LRRTM2: variants seen among roughly 807,000 people sequenced by gnomAD.
The protein encoded by LRRTM2 is leucine-rich repeat transmembrane neuronal protein 2.
A neutral mutation model predicts 40.7 loss-of-function variants in LRRTM2; 14 were observed. That is an observed-to-expected ratio of 0.34 (90% CI 0.23 to 0.54). The LOEUF is 0.54. Among genes scored for constraint, LRRTM2 ranks in the 20% least tolerant of loss-of-function variants. LRRTM2 has a pLI of 0.92. For missense variants in LRRTM2, 468 were observed against 624.4 expected (o/e 0.75, Z 2.67); for synonymous variants, 223 against 237.6 (o/e 0.94, Z 0.57).
rs1765090251 is a variant in LRRTM2, at chr5:138,869,136, G to T, written c.*3874C>A. ...ACTTTGAGTTTCCAGTCTCAGTGTT[G>T]ATAGGAAGGTTCACCAAACATTCCA... On this transcript the variant is annotated 3_prime_UTR_variant, in exon 2 of 2. Coordinates refer to ENST00000274711, the MANE Select transcript of LRRTM2 (RefSeq NM_015564.3). 6.9e-6 allele frequency: 1 copy of T among 144,244 alleles called. No individual in the cohort carries two copies. Among genetic ancestry groups the T allele is most frequent in the Non-Finnish European group, 1.5e-5 (1 of 66,684 alleles). The allele number at this position is 144,244 out of a possible 1,614,324, so 8.9% of individuals were successfully genotyped here. A position where few individuals can be genotyped will look rare whatever the true frequency, so the allele number is the denominator to read the frequency against.
rs1750759911 is a variant in LRRTM2, at chr5:138,872,438, C to T, written c.*572G>A. ...ATGATATGGACTTTGATAATATCTA[C>T]TAACCCAGGCAGAAACTCTGGAAGG... On this transcript the variant is annotated 3_prime_UTR_variant, in exon 2 of 2. Coordinates refer to ENST00000274711, the MANE Select transcript of LRRTM2 (RefSeq NM_015564.3). 6.6e-6 allele frequency: 1 copy of T among 152,436 alleles called. No homozygotes were observed. Among genetic ancestry groups the T allele is most frequent in the South Asian group, 2.1e-4 (1 of 4,820 alleles). The allele number at this position is 152,436 out of a possible 1,614,324, so 9.4% of individuals were successfully genotyped here. A position where few individuals can be genotyped will look rare whatever the true frequency, so the allele number is the denominator to read the frequency against.
At position 138,873,303 on chromosome 5, in the gene LRRTM2, T is replaced by C; in HGVS notation, c.1258A>G (p.Thr420Ala). The change falls in exon 2 of 2, where the codon ACT becomes GCT. Residue 420 changes from threonine to alanine, a missense_variant. Physicochemically the swap from Thr to Ala is moderately conservative, Grantham distance 58. Coordinates refer to ENST00000274711, the MANE Select transcript of LRRTM2 (RefSeq NM_015564.3). The surrounding 1 kb of genome is among the most constrained non-coding windows in gnomAD (Gnocchi z 6.1). ...ATTGTTCCCGTAATTACCCGCTGAG[T>C]GAAGATGGCATTGTCTGGTTCAGGA... ...HFPEPDNAIF[T>A]QRVITGTMAL... 1 of 1,614,004 alleles carries C rather than the reference T, an allele frequency of 6.2e-7. No individual in the cohort carries two copies. The highest frequency in any genetic ancestry group is 8.5e-7 in the Non-Finnish European group (1 of 1,179,868).
In LRRTM2 at chr5:138,873,391, G is replaced by A. The variant is rs555273836; in HGVS notation, c.1170C>T (p.Tyr390=). ...EYTKRISSSS[Y]HVGDKEIPTT... ...TTGGGATTTCTTTGTCTCCCACATG[G>A]TAACTTGATGAGCTTATTCTTTTTG... Residue 390 remains tyrosine, a synonymous_variant, in exon 2 of 2, where the codon TAC becomes TAT. Coordinates refer to ENST00000274711, the MANE Select transcript of LRRTM2 (RefSeq NM_015564.3). This position sits in a 1 kb window ranked among gnomAD's most constrained non-coding sequence, Gnocchi z 6.1. 45 of 1,614,032 alleles carry A rather than the reference G, an allele frequency of 2.8e-5. No individual in the cohort carries two copies. In the South Asian group the frequency reaches 4.7e-4, roughly 17 times the overall value.
rs201299132 is a variant in LRRTM2, at chr5:138,874,332, C to T, written c.229G>A (p.Glu77Lys). 2.3e-4 allele frequency: 373 copies of T among 1,613,990 alleles called. No homozygotes were observed. The highest frequency in any genetic ancestry group is 3.3e-4 in the Middle Eastern group (2 of 6,062). Residue 77 changes from glutamate (E) to lysine (K), a missense_variant, in exon 2 of 2, where the codon GAA becomes AAA. Coordinates refer to ENST00000274711, the MANE Select transcript of LRRTM2 (RefSeq NM_015564.3). This position sits in a 1 kb window ranked among gnomAD's most constrained non-coding sequence, Gnocchi z 4.1. Reference sequence around the variant, plus strand: ...CTGAAGCTGGCAAATTGATCTCTTTCGAGCTCTGTGATGTGATTGTGCCTC... The same window carrying T: ...CTGAAGCTGGCAAATTGATCTCTTTTGAGCTCTGTGATGTGATTGTGCCTC... ...SLRHNHITEL[E>K]RDQFASFSQL... is the part of the protein sequence containing the mutation.
In LRRTM2 at chr5:138,873,256, A is replaced by G; in HGVS notation, c.1305T>C (p.Phe435=). The change falls in exon 2 of 2, where the codon TTT becomes TTC. Residue 435 remains phenylalanine, a synonymous_variant. Coordinates refer to ENST00000274711, the MANE Select transcript of LRRTM2 (RefSeq NM_015564.3). The surrounding 1 kb of genome is among the most constrained non-coding windows in gnomAD (Gnocchi z 6.1). The part of the protein sequence containing the change: ...TGTMALLFSF[F]FIIFIVFISR... ...AGATGAACACTATAAAAATAATAAA[A>G]AAGAAAGAAAACAATAAAGCCATTG... is the stretch of plus-strand genomic sequence containing the variant. 1 of 1,613,840 alleles carries G rather than the reference A, an allele frequency of 6.2e-7. No individual in the cohort carries two copies. Among genetic ancestry groups the G allele is most frequent in the Non-Finnish European group, 8.5e-7 (1 of 1,179,804 alleles).
chr5:138,874,797 C>T lies in LRRTM2; in HGVS notation c.4+111G>A. 1 of 1,145,434 alleles carries T rather than the reference C, an allele frequency of 8.7e-7. No homozygotes were observed. The highest frequency in any genetic ancestry group is 1.3e-6 in the Non-Finnish European group (1 of 782,110). 71.0% of individuals were successfully genotyped at this position (1,145,434 alleles called of 1,614,324 possible). On this transcript the variant is annotated intron_variant, in intron 1 of 1. Transcript: ENST00000274711. This position sits in a 1 kb window ranked among gnomAD's most constrained non-coding sequence, Gnocchi z 4.1. ...TCGATATATGCTTTTACCTAAACCT[C>T]AAAATCCAAAATATGATGGTGATTT... is the stretch of plus-strand genomic sequence containing the variant.
At position 138,875,046 on chromosome 5, in the gene LRRTM2, T is replaced by G. The variant is rs1751189715; in HGVS notation, c.-135A>C. 1.2e-6 allele frequency: 1 copy of G among 834,750 alleles called. No homozygotes were observed. The highest frequency in any genetic ancestry group is 1.7e-5 in the African/African-American group (1 of 58,274). The allele number at this position is 834,750 out of a possible 1,614,324, so 51.7% of individuals were successfully genotyped here. A position where few individuals can be genotyped will look rare whatever the true frequency, so the allele number is the denominator to read the frequency against. The stretch of plus-strand genomic sequence containing the variant: ...GTGTCCCAGGCTTTCCAAGTAAAAT[T>G]GAATCCACCAGGACGAGTTGTTTTT... On this transcript the variant is annotated 5_prime_UTR_variant, in exon 1 of 2. Transcript: ENST00000274711.
rs1765172136 is a variant in LRRTM2, at chr5:138,869,815, C to G, written c.*3195G>C. On this transcript the variant is annotated 3_prime_UTR_variant, in exon 2 of 2. Transcript: ENST00000274711. Reference sequence around the variant, plus strand: ...TTAACTTAGGCACATTAAGAAATTACATGTGTTAGTACAGATTTTTGGCTT... The same window carrying G: ...TTAACTTAGGCACATTAAGAAATTAGATGTGTTAGTACAGATTTTTGGCTT... The G allele has an allele frequency of 6.6e-6, 1 of 152,596 alleles. No homozygotes were observed. Among genetic ancestry groups the G allele is most frequent in the African/African-American group, 2.4e-5 (1 of 41,428 alleles). The allele number at this position is 152,596 out of a possible 1,614,324, so 9.5% of individuals were successfully genotyped here. A position where few individuals can be genotyped will look rare whatever the true frequency, so the allele number is the denominator to read the frequency against.
In LRRTM2 at chr5:138,873,142, G is replaced by A; in HGVS notation, c.1419C>T (p.Leu473=). 1.9e-6 allele frequency: 3 copies of A among 1,614,012 alleles called. No homozygotes were observed. The highest frequency in any genetic ancestry group is 2.5e-6 in the Non-Finnish European group (3 of 1,179,886). ...NHRQLRSQTR[L]HMSNMSDQGP... ...CTTGGTCTGACATGTTTGACATATG[G>A]AGTCGTGTTTGGGATCGGAGCTGCC... is the stretch of plus-strand genomic sequence containing the variant. The change falls in exon 2 of 2, where the codon CTC becomes CTT. Residue 473 remains leucine, a synonymous_variant. Transcript: ENST00000274711. The surrounding 1 kb of genome is among the most constrained non-coding windows in gnomAD (Gnocchi z 6.1).
chr5:138,871,493 A>G lies in LRRTM2; in HGVS notation c.*1517T>C, dbSNP rs540479333. On this transcript the variant is annotated 3_prime_UTR_variant, in exon 2 of 2. Transcript: ENST00000274711. ...TTCTTTTCTGCATGAAAAATGTGGCATCCTTATCATTTGTTAACTATGGCA... is the reference window on the plus strand; with the variant it reads ...TTCTTTTCTGCATGAAAAATGTGGCGTCCTTATCATTTGTTAACTATGGCA... 148 of 152,338 alleles carry G rather than the reference A, an allele frequency of 9.7e-4. No homozygotes were observed. Among genetic ancestry groups the G allele is most frequent in the African/African-American group, 3.2e-3 (135 of 41,584 alleles). The allele number at this position is 152,338 out of a possible 1,614,324, so 9.4% of individuals were successfully genotyped here. A position where few individuals can be genotyped will look rare whatever the true frequency, so the allele number is the denominator to read the frequency against.
Position 138,872,887 on chromosome 5 carries a change from A to G in LRRTM2, c.*123T>C. 1.6e-6 allele frequency: 1 copy of G among 609,844 alleles called. No individual in the cohort carries two copies. 37.8% of individuals were successfully genotyped at this position (609,844 alleles called of 1,614,324 possible). A position where few individuals can be genotyped will look rare whatever the true frequency, so the allele number is the denominator to read the frequency against. ...AAATACTTCAACACTTCAAAAACTAAGTCTCCACTTAGTTTGGAAAATTAG... is the reference window on the plus strand; with the variant it reads ...AAATACTTCAACACTTCAAAAACTAGGTCTCCACTTAGTTTGGAAAATTAG... On this transcript the variant is annotated 3_prime_UTR_variant, in exon 2 of 2. Coordinates refer to ENST00000274711, the MANE Select transcript of LRRTM2 (RefSeq NM_015564.3).
rs1023841077 is a variant in LRRTM2 at position 138,872,771 on chromosome 5, G to A, written c.*239C>T. The A allele has an allele frequency of 7.5e-6, 3 of 401,694 alleles. No individual in the cohort carries two copies. The highest frequency in any genetic ancestry group is 1.3e-5 in the Non-Finnish European group (3 of 226,844). 24.9% of individuals were successfully genotyped at this position (401,694 alleles called of 1,614,324 possible). A position where few individuals can be genotyped will look rare whatever the true frequency, so the allele number is the denominator to read the frequency against. On this transcript the variant is annotated 3_prime_UTR_variant, in exon 2 of 2. Transcript: ENST00000274711. ...AATTACATACATTTCTTATTTTGAA[G>A]TAAGCATTTTAGACTTTCCAACAGG...
Position 138,873,123 on chromosome 5 carries a change from C to G in LRRTM2, c.1438G>C (p.Asp480His), listed in dbSNP as rs369180323. The G allele has an allele frequency of 3.7e-6, 6 of 1,613,836 alleles. No individual in the cohort carries two copies. Among genetic ancestry groups the G allele is most frequent in the Non-Finnish European group, 5.1e-6 (6 of 1,179,888 alleles). Residue 480 changes from aspartate to histidine, a missense_variant, in exon 2 of 2, where the codon GAC becomes CAC. Coordinates refer to ENST00000274711, the MANE Select transcript of LRRTM2 (RefSeq NM_015564.3). This position sits in a 1 kb window ranked among gnomAD's most constrained non-coding sequence, Gnocchi z 6.1. ...QTRLHMSNMS[D>H]QGPYNEYEPT... ...TCATATTCATTATACGGTCCTTGGT[C>G]TGACATGTTTGACATATGGAGTCGT...
At position 138,874,203 on chromosome 5, in the gene LRRTM2, T is replaced by C; in HGVS notation, c.358A>G (p.Lys120Glu). 1 of 1,614,054 alleles carries C rather than the reference T, an allele frequency of 6.2e-7. No individual in the cohort carries two copies. Among genetic ancestry groups the C allele is most frequent in the Non-Finnish European group, 8.5e-7 (1 of 1,179,902 alleles). ...GTTGTGTTTGGCAAGTAAAATATTT[T>C]GTTGGAACTTAAGATTAATTCCTTA... ...KLKELILSSN[K>E]IFYLPNTTFT... Residue 120 changes from lysine (K) to glutamate (E), a missense_variant, in exon 2 of 2, where the codon AAA becomes GAA. Transcript: ENST00000274711. The surrounding 1 kb of genome is among the most constrained non-coding windows in gnomAD (Gnocchi z 4.1).
Position 138,874,917 on chromosome 5 carries a change from T to A in LRRTM2, c.-6A>T, listed in dbSNP as rs1414049695. The A allele has an allele frequency of 1.9e-6, 3 of 1,613,610 alleles. No homozygotes were observed. In the East Asian group the frequency reaches 6.7e-5, roughly 36 times the overall value. ...AAATGCACAGACTTACCCATTCTTC[T>A]GAGCACATTGGAGGCTGCATTCAGT... On this transcript the variant is annotated 5_prime_UTR_variant, in exon 1 of 2. Coordinates refer to ENST00000274711, the MANE Select transcript of LRRTM2 (RefSeq NM_015564.3). This position sits in a 1 kb window ranked among gnomAD's most constrained non-coding sequence, Gnocchi z 4.1.
rs201021876 is a variant in LRRTM2 at position 138,873,655 on chromosome 5, G to A, written c.906C>T (p.Ser302=). 1.1e-4 allele frequency: 174 copies of A among 1,613,996 alleles called. 1 individual carries two copies. The highest frequency in any genetic ancestry group is 3.3e-4 in the Middle Eastern group (2 of 6,062). ...TGCCAGAGAGACCAACGGTTGTGAGGGATCTCAGGGAGTTTAAGATCTTGG... is the reference window on the plus strand; with the variant it reads ...TGCCAGAGAGACCAACGGTTGTGAGAGATCTCAGGGAGTTTAAGATCTTGG... ...LDSKILNSLR[S]LTTVGLSGNL... Residue 302 remains serine, a synonymous_variant, in exon 2 of 2, where the codon TCC becomes TCT. Transcript: ENST00000274711. This position sits in a 1 kb window ranked among gnomAD's most constrained non-coding sequence, Gnocchi z 6.1.
chr5:138,874,651 G>A lies in LRRTM2; in HGVS notation c.5-95C>T, dbSNP rs28363436. On this transcript the variant is annotated intron_variant, in intron 1 of 1. Coordinates refer to ENST00000274711, the MANE Select transcript of LRRTM2 (RefSeq NM_015564.3). This position sits in a 1 kb window ranked among gnomAD's most constrained non-coding sequence, Gnocchi z 4.1. ...AAAAACAACCACCACCAACATTATA[G>A]CAAAAGATTTCACTGCATATAACTT... 656 of 828,112 alleles carry A rather than the reference G, an allele frequency of 7.9e-4. 3 individuals carry two copies. In the African/African-American group the frequency reaches 0.01, roughly 13 times the overall value. The allele number at this position is 828,112 out of a possible 1,614,324, so 51.3% of individuals were successfully genotyped here. A position where few individuals can be genotyped will look rare whatever the true frequency, so the allele number is the denominator to read the frequency against.
rs562406459 is a variant in LRRTM2 at position 138,873,898 on chromosome 5, A to T, written c.663T>A (p.Asn221Lys). The T allele has an allele frequency of 4.3e-6, 7 of 1,614,010 alleles. No homozygotes were observed. In the Admixed American group the frequency reaches 1.2e-4, roughly 27 times the overall value. The change falls in exon 2 of 2, where the codon AAT becomes AAA. Residue 221 changes from asparagine (N) to lysine (K), a missense_variant. By Grantham distance (94) the Asn-to-Lys change is moderately conservative. Transcript: ENST00000274711. This position sits in a 1 kb window ranked among gnomAD's most constrained non-coding sequence, Gnocchi z 6.1. ...TGCTTAGCCGTAGGAAATGAGCAAA[A>T]TTAATCTTCGTCAGCTGGTTGTGCT... Reference protein sequence around the residue: ...HLEHNQLTKINFAHFLRLSSL... With the variant: ...HLEHNQLTKIKFAHFLRLSSL...
chr5:138,873,279 T>A lies in LRRTM2; in HGVS notation c.1282A>T (p.Met428Leu). 8 of 1,613,974 alleles carry A rather than the reference T, an allele frequency of 5.0e-6. No individual in the cohort carries two copies. Among genetic ancestry groups the A allele is most frequent in the Non-Finnish European group, 6.8e-6 (8 of 1,179,868 alleles). The change falls in exon 2 of 2, where the codon ATG becomes TTG. Residue 428 changes from methionine to leucine, a missense_variant. Coordinates refer to ENST00000274711, the MANE Select transcript of LRRTM2 (RefSeq NM_015564.3). This position sits in a 1 kb window ranked among gnomAD's most constrained non-coding sequence, Gnocchi z 6.1. ...IFTQRVITGT[M>L]ALLFSFFFII... The stretch of plus-strand genomic sequence containing the variant: ...AAAAAGAAAGAAAACAATAAAGCCA[T>A]TGTTCCCGTAATTACCCGCTGAGTG...
Sources: allele counts gnomAD v4.1 joint callset, GRCh38; gene constraint gnomAD v4.1.1; non-coding constraint Gnocchi (gnomAD v3.1); transcripts MANE v1.5; gene names NCBI Gene and HGNC (gene_info 2026-07-23, HGNC 2026-07-21).